The following ST7 variants were observed in gnomAD, a reference collection of about 807,000 sequenced individuals.
ST7 encodes the protein suppressor of tumorigenicity 7 protein.
In ST7, 28 loss-of-function variants were observed where a neutral mutation model predicts 78.7. That is an observed-to-expected ratio of 0.36 (90% CI 0.26 to 0.49). The LOEUF (loss-of-function observed/expected upper bound fraction) is 0.49. Among genes scored for constraint, ST7 ranks in the 20% least tolerant of loss-of-function variants. The pLI is 0.99. For missense variants in ST7, 418 were observed against 696.0 expected (o/e 0.60, Z 4.49); for synonymous variants, 247 against 249.6 (o/e 0.99, Z 0.10).
chr7:117,007,773 T>C (rs1466251271), intron 1 of ST7, among the ~76,000 whole-genome samples: 1 of 152,208 alleles, frequency 6.6e-6, no homozygotes, highest in East Asian at 1.9e-4. Flanking sequence ...CTTTTCATTT[T>C]ACGAAACTGA....
rs751803669 is a variant in ST7, at chr7:117,129,812, T to C, written c.414T>C (p.Asn138=). Residue 138 remains asparagine, a synonymous_variant, in exon 4 of 16, where the codon AAT becomes AAC. Transcript: ENST00000323984. ...TTGCAGAATGCAAAGTATGGCGAAATCCACTAAATTTATTTAGGGGTGCTG... is the reference window on the plus strand; with the variant it reads ...TTGCAGAATGCAAAGTATGGCGAAACCCACTAAATTTATTTAGGGGTGCTG... ...QSVSECKVWR[N]PLNLFRGAEY... 6.2e-7 allele frequency: 1 copy of C among 1,610,242 alleles called. No individual in the cohort carries two copies. Among genetic ancestry groups the C allele is most frequent in the Non-Finnish European group, 8.5e-7 (1 of 1,177,986 alleles).
At chr7:117,024,420 A>G (rs544522920) in intron 1 of ST7, among the ~76,000 whole-genome samples, 151 of 152,148 alleles carry the variant, frequency 9.9e-4, no homozygotes, top group Non-Finnish European at 1.6e-3. Flanking sequence ...TGCTTTTTCA[A>G]TTCTCAAGGG....
chr7:116,969,276 G>A (rs957739930), intron 1 of ST7, among the ~76,000 whole-genome samples: 4 of 151,450 alleles, frequency 2.6e-5, no homozygotes, highest in African/African-American at 9.7e-5. Context: ...TATCTCCCTA[G>A]AATCCTCTTG....
chr7:117,000,396 A>G (rs1794884899), intron 1 of ST7, among the ~76,000 whole-genome samples: 1 of 152,254 alleles, frequency 6.6e-6, no homozygotes, highest in Non-Finnish European at 1.5e-5. Context: ...ATTTAAATTT[A>G]GCCATTTATA....
At chr7:117,041,735 A>G (rs574497549) in intron 1 of ST7, among the ~76,000 whole-genome samples, 1 of 152,204 alleles carries the variant, frequency 6.6e-6, no homozygotes, top group Non-Finnish European at 1.5e-5. Context: ...CCTGTGGTAA[A>G]CACAGTAATG....
intron 1 of ST7, among the ~76,000 whole-genome samples, chr7:116,971,724 G>A (rs77006756): frequency 0.016 from 2,456 of 152,220 alleles, 50 homozygotes; most frequent in East Asian, 0.052. Context: ...AGTAAGGCAG[G>A]CCTATACCTT....
In ST7 at chr7:117,111,386, A is replaced by G. The variant is rs912185935; in HGVS notation, c.235-8175A>G. 2.0e-5 allele frequency among the ~76,000 whole-genome samples: 3 copies of G among 152,326 alleles called. No individual in the cohort carries two copies. In the East Asian group the frequency reaches 5.8e-4, roughly 29 times the overall value. On this transcript the variant is annotated intron_variant, in intron 2 of 15. Coordinates refer to ENST00000323984, the MANE Select transcript of ST7 (RefSeq NM_001369598.1). ...ATTATTTGGGGGCCTCAGGATTTCT[A>G]TGCTGGAGACTAAAATTATCAAATT...
intron 1 of ST7, among the ~76,000 whole-genome samples, chr7:116,975,262 C>T (rs1455794357): frequency 6.6e-6 from 1 of 152,154 alleles, no homozygotes; most frequent in East Asian, 1.9e-4. Context: ...ACTATCACAA[C>T]AGCATGGGAA....
intron 1 of ST7, chr7:117,072,611 G>A (rs1799041131): frequency 6.6e-6 from 1 of 152,098 alleles, no homozygotes; most frequent in South Asian, 2.1e-4. Flanking sequence ...AATCCTATTA[G>A]AGTTTAAGAT....
intron 1 of ST7, among the ~76,000 whole-genome samples, chr7:117,091,842 G>A (rs920906928): frequency 1.3e-5 from 2 of 152,144 alleles, no homozygotes; most frequent in Admixed American, 1.3e-4. Flanking sequence ...GGCCTCACAA[G>A]GCTATAATCA....
At chr7:117,096,808 A>G (rs1801079514) in intron 1 of ST7, among the ~76,000 whole-genome samples, 1 of 152,196 alleles carries the variant, frequency 6.6e-6, no homozygotes, top group Admixed American at 6.5e-5. Context: ...GTTTAATAAG[A>G]TTATAAATGA....
At chr7:117,225,996 G>A (rs1744648461) in intron 15 of ST7, among the ~76,000 whole-genome samples, 2 of 152,182 alleles carry the variant, frequency 1.3e-5, no homozygotes. Context: ...CTCACAGAAT[G>A]TGGGAAGGTC....
At chr7:117,098,719 A>C in intron 1 of ST7, 17 of 1,237,974 alleles carry the variant, frequency 1.4e-5, no homozygotes, top group Non-Finnish European at 1.8e-5. Context: ...TTTCCCTCTA[A>C]TGACATCAAA....
intron 1 of ST7, among the ~76,000 whole-genome samples, chr7:116,968,897 A>G (rs964604311): frequency 2.6e-5 from 4 of 152,142 alleles, no homozygotes; most frequent in African/African-American, 9.7e-5. Context: ...AAAAGAGGGA[A>G]AAGCTAGAAT....
chr7:117,169,125 TTAA>T (rs376568751), intron 9 of ST7, among the ~76,000 whole-genome samples: 2 of 145,634 alleles, frequency 1.4e-5, no homozygotes, highest in African/African-American at 5.4e-5. Context: ...CCTTCTTTTT[TTAA>T]TCTTCTTCCT....
intron 1 of ST7, among the ~76,000 whole-genome samples, chr7:117,033,480 G>C (rs4236605): frequency 0.52 from 77,708 of 150,524 alleles, 20,970 homozygotes; most frequent in Non-Finnish European, 0.6. Flanking sequence ...CTGGAGTGTC[G>C]TAGTGCAATC....
intron 9 of ST7, among the ~76,000 whole-genome samples, chr7:117,166,185 T>C (rs929103053): frequency 6.6e-6 from 1 of 152,202 alleles, no homozygotes; most frequent in Admixed American, 6.5e-5. Flanking sequence ...ATTAGTATAA[T>C]TTAGCATATT....
chr7:117,074,903 A>G (rs1024990902), intron 1 of ST7, among the ~76,000 whole-genome samples: 6 of 152,194 alleles, frequency 3.9e-5, no homozygotes, highest in South Asian at 4.1e-4. Context: ...GTACAGATGT[A>G]TAATCTCATA....
intron 1 of ST7, among the ~76,000 whole-genome samples, chr7:116,957,459 A>C (rs1344790851): frequency 6.6e-6 from 1 of 152,042 alleles, no homozygotes; most frequent in East Asian, 1.9e-4. Context: ...CAGCCTCCCT[A>C]GTAGCGAGTA....
Sources: allele counts gnomAD v4.1 joint callset (sites outside exome capture counted in the v4.1 genomes callset), GRCh38; gene constraint gnomAD v4.1.1; transcripts MANE v1.5; gene names NCBI Gene and HGNC (gene_info 2026-07-23, HGNC 2026-07-21).